SKAP1: variants seen among roughly 807,000 people sequenced by gnomAD.
The protein encoded by SKAP1 is src kinase-associated phosphoprotein 1.
In SKAP1, 44 loss-of-function variants were observed where a neutral mutation model predicts 58.5. That is an observed-to-expected ratio of 0.75 (90% CI 0.59 to 0.97). SKAP1 has a LOEUF of 0.97. Among genes scored for constraint, SKAP1 ranks in the 50% least tolerant of loss-of-function variants. The pLI is 0.00. For synonymous variants in SKAP1, 127 were observed against 149.7 expected, an observed-to-expected ratio of 0.85 and a Z score of 1.11; for missense variants, 390 against 435.2, an observed-to-expected ratio of 0.90 and a Z score of 0.92.
chr17:48,422,499 T>C (rs1375185371), intron 1 of SKAP1, among the ~76,000 whole-genome samples: 2 of 152,236 alleles, frequency 1.3e-5, no homozygotes, highest in Non-Finnish European at 2.9e-5. Context: ...ATTATCTCAA[T>C]ACTACAGATA....
At chr17:48,295,464 A>G (rs1191064260) in intron 4 of SKAP1, 2 of 152,178 alleles carry the variant, frequency 1.3e-5, no homozygotes, top group East Asian at 1.9e-4. Flanking sequence ...TAGGCAAGCA[A>G]TTGAAAGGAT....
At chr17:48,227,246 A>G (rs564052087) in intron 4 of SKAP1, among the ~76,000 whole-genome samples, 84 of 152,290 alleles carry the variant, frequency 5.5e-4, no homozygotes, top group African/African-American at 2.0e-3. Flanking sequence ...ACTATTTCCT[A>G]AACTGCCCCT....
At chr17:48,317,179 A>C (rs1426978816) in intron 4 of SKAP1, among the ~76,000 whole-genome samples, 1 of 152,224 alleles carries the variant, frequency 6.6e-6, no homozygotes, top group Non-Finnish European at 1.5e-5. Flanking sequence ...ACAAGGCTGA[A>C]TGAAGAGAAG....
intron 4 of SKAP1, among the ~76,000 whole-genome samples, chr17:48,277,143 T>C (rs2065710862): frequency 6.6e-6 from 1 of 152,238 alleles, no homozygotes; most frequent in Admixed American, 6.5e-5. Context: ...ATTTACTTAA[T>C]ACATTTTTCA....
At chr17:48,390,623 T>C (rs1293937881) in intron 2 of SKAP1, among the ~76,000 whole-genome samples, 1 of 152,240 alleles carries the variant, frequency 6.6e-6, no homozygotes. Flanking sequence ...CTCAGCTTAT[T>C]ATTCTAATGG....
intron 4 of SKAP1, chr17:48,249,140 A>G (rs2065332865): frequency 6.6e-6 from 1 of 152,214 alleles, no homozygotes; most frequent in Non-Finnish European, 1.5e-5. Flanking sequence ...CTATTAGACT[A>G]TTCAGGTGGC....
chr17:48,165,403 C>CT (rs1282614907), intron 10 of SKAP1, among the ~76,000 whole-genome samples: 77 of 41,600 alleles, frequency 1.9e-3, no homozygotes, highest in African/African-American at 5.6e-3. Context: ...TTCTTTCTTT[C>CT]TTTTTTTTTT....
chr17:48,200,667 C>T (rs1442984782), intron 4 of SKAP1, among the ~76,000 whole-genome samples: 2 of 152,158 alleles, frequency 1.3e-5, no homozygotes, highest in Admixed American at 6.5e-5. Context: ...CATGAGCCAC[C>T]GCGCCCGGCC....
intron 1 of SKAP1, among the ~76,000 whole-genome samples, chr17:48,421,019 G>A (rs1293472523): frequency 2.6e-5 from 4 of 152,162 alleles, no homozygotes; most frequent in African/African-American, 7.2e-5. Flanking sequence ...ATAGCAGCAG[G>A]GAAGCCTGGA....
intron 1 of SKAP1, among the ~76,000 whole-genome samples, chr17:48,413,187 T>C (rs927896297): frequency 6.6e-6 from 1 of 151,894 alleles, no homozygotes; most frequent in African/African-American, 2.4e-5. Context: ...GATGAAGACC[T>C]AGGAAAGGAA....
intron 11 of SKAP1, among the ~76,000 whole-genome samples, chr17:48,159,164 A>G (rs2064034333): frequency 6.6e-6 from 1 of 152,198 alleles, no homozygotes; most frequent in Non-Finnish European, 1.5e-5. Flanking sequence ...ACTGAAAACA[A>G]AAGAGCTGGT....
At chr17:48,230,864 C>T (rs2065118921) in intron 4 of SKAP1, among the ~76,000 whole-genome samples, 1 of 152,122 alleles carries the variant, frequency 6.6e-6, no homozygotes, top group Admixed American at 6.5e-5. Flanking sequence ...GGCATAATGA[C>T]ATATTAACCT....
intron 4 of SKAP1, 24 bp from the exon 5 acceptor site, chr17:48,189,524 C>T: frequency 1.9e-6 from 3 of 1,591,252 alleles, no homozygotes; most frequent in Non-Finnish European, 1.7e-6. Context: ...TGGCAAAATG[C>T]TTTATTGAAA....
intron 3 of SKAP1, among the ~76,000 whole-genome samples, chr17:48,358,957 C>T (rs909301641): frequency 6.6e-6 from 1 of 152,208 alleles, no homozygotes; most frequent in Admixed American, 6.5e-5. Flanking sequence ...AAAGCTTAGG[C>T]TCTTTCTATC....
intron 4 of SKAP1, among the ~76,000 whole-genome samples, chr17:48,297,935 AAGG>A (rs2066001926): frequency 6.6e-6 from 1 of 152,162 alleles, no homozygotes; most frequent in Admixed American, 6.5e-5. Flanking sequence ...AAGGTCCAAG[AAGG>A]GAGATTTCTT....
At position 48,258,082 on chromosome 17, in the gene SKAP1, C is replaced by CA. The variant is rs531823633; in HGVS notation, c.281-68583dup. ...ACACTAGTGCTTTATCATCCTACAA[C>CA]AAAAAAAAGTCAGGATTCGAGGCCA... is the stretch of plus-strand genomic sequence containing the variant. On this transcript the variant is annotated intron_variant, in intron 4 of 12. Transcript: ENST00000336915. Among the ~76,000 whole-genome samples the CA allele has an allele frequency of 9.8e-4, 148 of 151,690 alleles. 1 individual carries two copies. Among genetic ancestry groups the CA allele is most frequent in the African/African-American group, 3.0e-3 (126 of 41,422 alleles).
At chr17:48,353,020 T>C (rs1366307243) in intron 3 of SKAP1, among the ~76,000 whole-genome samples, 3 of 152,188 alleles carry the variant, frequency 2.0e-5, no homozygotes, top group Non-Finnish European at 4.4e-5. Flanking sequence ...ATTATGATTA[T>C]TAGTGATAAT....
intron 2 of SKAP1, among the ~76,000 whole-genome samples, chr17:48,385,008 C>A (rs1364592849): frequency 6.6e-6 from 1 of 151,666 alleles, no homozygotes; most frequent in East Asian, 1.9e-4. Context: ...GCTCAAGGGC[C>A]TAAAAAAGAG....
intron 1 of SKAP1, among the ~76,000 whole-genome samples, chr17:48,418,036 C>T (rs1335765519): frequency 2.6e-5 from 4 of 152,030 alleles, no homozygotes; most frequent in Admixed American, 1.3e-4. Context: ...GCCTCACACC[C>T]GTAATCCCAG....
Sources: allele counts gnomAD v4.1 joint callset (sites outside exome capture counted in the v4.1 genomes callset), GRCh38; gene constraint gnomAD v4.1.1; transcripts MANE v1.5; gene names NCBI Gene and HGNC (gene_info 2026-07-23, HGNC 2026-07-21).